The following MGAT5 variants were observed in gnomAD, a reference collection of about 807,000 sequenced individuals.
MGAT5 encodes the protein alpha-1,6-mannosylglycoprotein 6-beta-N-acetylglucosaminyltransferase A.
Under a neutral mutation model 94.3 loss-of-function variants are expected in MGAT5, and 30 were observed. The observed-to-expected ratio is 0.32, with a 90% CI of 0.24 to 0.43. MGAT5 has a LOEUF of 0.43. Ranked by LOEUF, MGAT5 falls within the 20% of genes least tolerant of loss-of-function variation. The pLI is 1.00. For synonymous variants in MGAT5, 310 were observed against 322.9 expected (o/e 0.96, Z 0.43); for missense variants, 691 against 905.5 (o/e 0.76, Z 3.04).
In MGAT5 at chr2:134,215,922, T is replaced by C. The variant is rs1171468698; in HGVS notation, c.-142-38340T>C. 3.9e-5 allele frequency among the ~76,000 whole-genome samples: 6 copies of C among 152,250 alleles called. No individual in the cohort carries two copies. In the East Asian group the frequency reaches 1.2e-3, roughly 29 times the overall value. ...TGGTGAGTATGTAGTGGAATTAGTC[T>C]GTGGTTTTAATCCCATCCTTTATTT... is the stretch of plus-strand genomic sequence containing the variant. On this transcript the variant is annotated intron_variant, in intron 1 of 16. Coordinates refer to the MGAT5 transcript ENST00000409645.
At chr2:134,190,879 G>C (rs1689337052) in intron 1 of MGAT5, among the ~76,000 whole-genome samples, 1 of 152,106 alleles carries the variant, frequency 6.6e-6, no homozygotes, top group Non-Finnish European at 1.5e-5. Flanking sequence ...GAGCTCCTGT[G>C]CTCAAGTGAT....
intron 4 of MGAT5, among the ~76,000 whole-genome samples, chr2:134,322,130 T>C (rs1486076442): frequency 1.3e-5 from 2 of 152,136 alleles, no homozygotes; most frequent in African/African-American, 4.8e-5. Context: ...GTACTTAGAG[T>C]ACAACCCGGC....
Position 134,312,681 on chromosome 2 carries a change from C to A in MGAT5, c.407-4848C>A, listed in dbSNP as rs142357819. ...TTGTGTGTGGTTTCCCTTCCTCCCACGTGTGCCAGCCCCCAGAAGGCAGGG... is the reference window on the plus strand; with the variant it reads ...TTGTGTGTGGTTTCCCTTCCTCCCAAGTGTGCCAGCCCCCAGAAGGCAGGG... On this transcript the variant is annotated intron_variant, in intron 2 of 15. Transcript: ENST00000281923. Among the ~76,000 whole-genome samples the A allele has an allele frequency of 2.3e-3, 356 of 152,210 alleles. 5 individuals carry two copies. Among genetic ancestry groups the A allele is most frequent in the East Asian group, 0.018 (94 of 5,170 alleles).
At chr2:134,410,146 G>A (rs1184714533) in intron 11 of MGAT5, among the ~76,000 whole-genome samples, 1 of 152,206 alleles carries the variant, frequency 6.6e-6, no homozygotes, top group Non-Finnish European at 1.5e-5. Flanking sequence ...CAGAATAGCA[G>A]GAGATTAGGG....
chr2:134,153,826 G>C lies in MGAT5; in HGVS notation c.-143+33535G>C, dbSNP rs112450494. On this transcript the variant is annotated intron_variant, in intron 1 of 16. Coordinates refer to the MGAT5 transcript ENST00000409645. ...TTTGCTGAGTGACATATTAACTCTT[G>C]CTTATGGTTCCTTGGGAGGAGAAGG... Among the ~76,000 whole-genome samples the C allele has an allele frequency of 1.7e-3, 263 of 152,162 alleles. 1 individual carries two copies. The highest frequency in any genetic ancestry group is 3.2e-3 in the Non-Finnish European group (220 of 68,004).
intron 2 of MGAT5, among the ~76,000 whole-genome samples, chr2:134,301,311 GT>G (rs2105822912): frequency 6.6e-6 from 1 of 152,264 alleles, no homozygotes; most frequent in East Asian, 1.9e-4. Flanking sequence ...GTTGTGAGCT[GT>G]TATGAATAAT....
chr2:134,206,883 C>G (rs539391539), intron 1 of MGAT5, among the ~76,000 whole-genome samples: 1 of 152,332 alleles, frequency 6.6e-6, no homozygotes, highest in African/African-American at 2.4e-5. Flanking sequence ...CCTACCCCTT[C>G]GCTTCTACCC....
chr2:134,241,010 A>C (rs1245568469), intron 1 of MGAT5, among the ~76,000 whole-genome samples: 1 of 152,244 alleles, frequency 6.6e-6, no homozygotes, highest in East Asian at 1.9e-4. Context: ...GAAACAGAAG[A>C]AGCTAGACAA....
rs187715257 is a variant in MGAT5, at chr2:134,375,468, A to T, written c.1380+13060A>T. On this transcript the variant is annotated intron_variant, in intron 10 of 15. Transcript: ENST00000281923. Reference sequence around the variant, plus strand: ...CACTATGCAGAGTAGTGAAACCGAAATGGGCTACAACTGTTTGCCTTTGTT... The same window carrying T: ...CACTATGCAGAGTAGTGAAACCGAATTGGGCTACAACTGTTTGCCTTTGTT... Among the ~76,000 whole-genome samples, 4 of 152,342 alleles carry T rather than the reference A, an allele frequency of 2.6e-5. No homozygotes were observed. In the East Asian group the frequency reaches 7.7e-4, roughly 29 times the overall value.
At chr2:134,291,495 G>A (rs953724504) in intron 2 of MGAT5, among the ~76,000 whole-genome samples, 15 of 152,324 alleles carry the variant, frequency 9.8e-5, no homozygotes, top group African/African-American at 3.6e-4. Context: ...GACAAGGTAC[G>A]TTTAGGATGG....
chr2:134,356,352 G>A (rs1273602892), intron 9 of MGAT5, among the ~76,000 whole-genome samples: 3 of 151,444 alleles, frequency 2.0e-5, no homozygotes, highest in Admixed American at 6.6e-5. Flanking sequence ...CCAAATCCTT[G>A]TAAGGTGCTC....
Position 134,414,056 on chromosome 2 carries a change from G to A in MGAT5, c.1677+1041G>A, listed in dbSNP as rs183151989. 6.6e-5 allele frequency among the ~76,000 whole-genome samples: 10 copies of A among 152,136 alleles called. No homozygotes were observed. The East Asian group carries it at 1.9e-3, about 29-fold the overall frequency. On this transcript the variant is annotated intron_variant, in intron 12 of 15. Transcript: ENST00000281923. ...TCCTGTCATTGGTGAAATAGCCAAA[G>A]GAGATAGAAGTTCAATAAGATCTAT...
intron 1 of MGAT5, among the ~76,000 whole-genome samples, chr2:134,215,287 G>A (rs916750595): frequency 6.6e-6 from 1 of 152,212 alleles, no homozygotes; most frequent in African/African-American, 2.4e-5. Flanking sequence ...ACACATTACA[G>A]TTGACTCTTG....
chr2:134,338,164 C>G lies in MGAT5; in HGVS notation c.646-95C>G. 4 of 1,042,866 alleles carry G rather than the reference C, an allele frequency of 3.8e-6. No homozygotes were observed. The South Asian group carries it at 7.3e-5, about 19-fold the overall frequency. The allele number at this position is 1,042,866 out of a possible 1,614,324, so 64.6% of individuals were successfully genotyped here. A position where few individuals can be genotyped will look rare whatever the true frequency, so the allele number is the denominator to read the frequency against. On this transcript the variant is annotated intron_variant, in intron 5 of 15. Transcript: ENST00000281923. Reference sequence around the variant, plus strand: ...CTTTTGAAGCTCTCAATTTAATTGACTAACCCTTTTAAGTTTTCAGATGTC... The same window carrying G: ...CTTTTGAAGCTCTCAATTTAATTGAGTAACCCTTTTAAGTTTTCAGATGTC...
chr2:134,281,362 A>G (rs1684683514), intron 2 of MGAT5, among the ~76,000 whole-genome samples: 1 of 152,206 alleles, frequency 6.6e-6, no homozygotes, highest in South Asian at 2.1e-4. Flanking sequence ...GGCATCGGAA[A>G]TGCAGCTGGG....
chr2:134,271,220 C>T lies in MGAT5; in HGVS notation c.406+670C>T, dbSNP rs575282275. ...GTTGCCTGCAGCTCACATTAGAACC[C>T]CCCCATCCCCGCAACTCCCCCACCA... On this transcript the variant is annotated intron_variant, in intron 2 of 15. Coordinates refer to ENST00000281923, the MANE Select transcript of MGAT5 (RefSeq NM_002410.5). Among the ~76,000 whole-genome samples the T allele has an allele frequency of 5.3e-3, 800 of 152,102 alleles. 7 individuals are homozygous for T. Among genetic ancestry groups the T allele is most frequent in the Middle Eastern group, 0.027 (8 of 294 alleles).
chr2:134,364,484 G>C (rs1680298472), intron 10 of MGAT5, among the ~76,000 whole-genome samples: 1 of 148,704 alleles, frequency 6.7e-6, no homozygotes, highest in African/African-American at 2.4e-5. Context: ...TGGGCAACAA[G>C]AGTGAAACTC....
intron 1 of MGAT5, among the ~76,000 whole-genome samples, chr2:134,190,645 T>C (rs1346083465): frequency 6.6e-6 from 1 of 151,706 alleles, no homozygotes; most frequent in Non-Finnish European, 1.5e-5. Context: ...TCAAATCTCC[T>C]CTCCTTTGTT....
chr2:134,223,645 CGT>C (rs1680903775), intron 1 of MGAT5, among the ~76,000 whole-genome samples: 5 of 150,744 alleles, frequency 3.3e-5, no homozygotes, highest in African/African-American at 1.2e-4. Flanking sequence ...TTAAGTGTTA[CGT>C]TTTACCCTCG....
Sources: allele counts gnomAD v4.1 joint callset (sites outside exome capture counted in the v4.1 genomes callset), GRCh38; gene constraint gnomAD v4.1.1; transcripts MANE v1.5; gene names NCBI Gene and HGNC (gene_info 2026-07-23, HGNC 2026-07-21).